ABLIM2: variants seen among roughly 807,000 people sequenced by gnomAD.
ABLIM2 encodes the protein actin-binding LIM protein 2.
Under a neutral mutation model 97.7 loss-of-function variants are expected in ABLIM2, and 53 were observed. That is an observed-to-expected ratio of 0.54 (90% CI 0.44 to 0.68). The LOEUF (loss-of-function observed/expected upper bound fraction) is 0.68. Ranked by LOEUF, ABLIM2 falls within the 30% of genes least tolerant of loss-of-function variation. The pLI, the probability that ABLIM2 is intolerant of heterozygous loss-of-function variation, is 0.00. For missense variants in ABLIM2, 835 were observed against 867.2 expected, an observed-to-expected ratio of 0.96 and a Z score of 0.47; for synonymous variants, 361 against 345.8, an observed-to-expected ratio of 1.04 and a Z score of -0.49.
intron 1 of ABLIM2, among the ~76,000 whole-genome samples, chr4:8,139,256 TGGAAGGGAAGGGAA>T (rs1850613034): frequency 1.7e-5 from 2 of 120,656 alleles, no homozygotes; most frequent in East Asian, 4.6e-4. Flanking sequence ...GGGAGGGGAA[TGGAAGGGAAGGGAA>T]GGGAAGGGAG....
Position 8,061,057 on chromosome 4 carries a change from G to A in ABLIM2, c.676-3C>T. 1 of 1,581,050 alleles carries A rather than the reference G, an allele frequency of 6.3e-7. No individual in the cohort carries two copies. The highest frequency in any genetic ancestry group is 8.6e-7 in the Non-Finnish European group (1 of 1,163,118). On this transcript the variant is annotated splice_polypyrimidine_tract_variant and splice_region_variant and intron_variant, in intron 6 of 20. Transcript: ENST00000447017. The surrounding 1 kb of genome is among the most constrained non-coding windows in gnomAD (Gnocchi z 4.5). ...GGGTGGTAGTGCTTCTCTCCGGCCT[G>A]TAAGAAAAGCACAAAGCAGAATGTT...
intron 1 of ABLIM2, among the ~76,000 whole-genome samples, chr4:8,154,266 ATTTTC>A (rs1187078497): frequency 1.2e-4 from 15 of 126,516 alleles, no homozygotes; most frequent in African/African-American, 3.3e-4. Context: ...CCAGCCACTT[ATTTTC>A]TTTTCTTTTC....
At position 8,003,049 on chromosome 4, in the gene ABLIM2, T is replaced by C. The variant is rs1758319545; in HGVS notation, c.1618+5010A>G. Among the ~76,000 whole-genome samples, 1 of 152,208 alleles carries C rather than the reference T, an allele frequency of 6.6e-6. No individual in the cohort carries two copies. Among genetic ancestry groups the C allele is most frequent in the South Asian group, 2.1e-4 (1 of 4,832 alleles). ...TGTCGGCTCCCCAGACAGGGAACTT[T>C]GTCTGTTTTGGCCTCTGCTCTGTCC... On this transcript the variant is annotated intron_variant, in intron 16 of 20. Coordinates refer to ENST00000447017, the MANE Select transcript of ABLIM2 (RefSeq NM_001130083.2). The surrounding 1 kb of genome is among the most constrained non-coding windows in gnomAD (Gnocchi z 4.2).
chr4:8,134,700 A>G (rs1230500974), intron 1 of ABLIM2, among the ~76,000 whole-genome samples: 1 of 152,236 alleles, frequency 6.6e-6, no homozygotes, highest in East Asian at 1.9e-4. Context: ...TGGTCTGGCA[A>G]ATATTTAAAA....
At position 8,005,534 on chromosome 4, in the gene ABLIM2, G is replaced by A. The variant is rs80245890; in HGVS notation, c.1618+2525C>T. 13,406 of 500,368 alleles carry A rather than the reference G, an allele frequency of 0.027. 229 individuals carry two copies. Among genetic ancestry groups the A allele is most frequent in the Non-Finnish European group, 0.04 (9,880 of 243,974 alleles). The allele number at this position is 500,368 out of a possible 1,614,324, so 31.0% of individuals were successfully genotyped here. ...GACTCAGGTCTGGGGGCTACTTGGT[G>A]ACAATCAAAAGAACCCCGAGAGAAA... On this transcript the variant is annotated intron_variant, in intron 16 of 20. Transcript: ENST00000447017. The surrounding 1 kb of genome is among the most constrained non-coding windows in gnomAD (Gnocchi z 4.9).
chr4:8,041,726 C>T (rs1401414999), intron 9 of ABLIM2, among the ~76,000 whole-genome samples: 2 of 151,956 alleles, frequency 1.3e-5, no homozygotes, highest in Admixed American at 1.3e-4. Context: ...CACGGTGAAA[C>T]CCCGTCTCTA....
At chr4:8,031,834 C>T (rs1184313319) in intron 10 of ABLIM2, among the ~76,000 whole-genome samples, 2 of 151,832 alleles carry the variant, frequency 1.3e-5, no homozygotes, top group Non-Finnish European at 2.9e-5. Flanking sequence ...AAGCGATTCT[C>T]CTGCCTCAGC....
At chr4:8,090,612 T>G (rs1363666680) in intron 3 of ABLIM2, among the ~76,000 whole-genome samples, 2 of 152,200 alleles carry the variant, frequency 1.3e-5, no homozygotes, top group Non-Finnish European at 2.9e-5. Context: ...ACAATCATGC[T>G]GCTCACGACC....
At position 8,125,418 on chromosome 4, in the gene ABLIM2, G is replaced by A. The variant is rs528327740; in HGVS notation, c.11-18781C>T. ...ATCTATGTGACTGCTAGTTTTAATT[G>A]TGGATACCCTTGCTTCGCATGTGAA... On this transcript the variant is annotated intron_variant, in intron 1 of 20. Coordinates refer to ENST00000447017, the MANE Select transcript of ABLIM2 (RefSeq NM_001130083.2). The surrounding 1 kb of genome is among the most constrained non-coding windows in gnomAD (Gnocchi z 6.2). Among the ~76,000 whole-genome samples, 1 of 152,314 alleles carries A rather than the reference G, an allele frequency of 6.6e-6. No individual in the cohort carries two copies. The highest frequency in any genetic ancestry group is 2.1e-4 in the South Asian group (1 of 4,828).
Position 8,113,595 on chromosome 4 carries a change from C to A in ABLIM2, c.11-6958G>T, listed in dbSNP as rs1352680060. On this transcript the variant is annotated intron_variant, in intron 1 of 20. Coordinates refer to ENST00000447017, the MANE Select transcript of ABLIM2 (RefSeq NM_001130083.2). The surrounding 1 kb of genome is among the most constrained non-coding windows in gnomAD (Gnocchi z 4.5). ...ATCCACCTTGAGAATGGGCAGGGGACCCCCTTGTGTACTCACACAGGGGAA... is the reference window on the plus strand; with the variant it reads ...ATCCACCTTGAGAATGGGCAGGGGAACCCCTTGTGTACTCACACAGGGGAA... Among the ~76,000 whole-genome samples the A allele has an allele frequency of 6.6e-6, 1 of 152,156 alleles. No individual in the cohort carries two copies. The highest frequency in any genetic ancestry group is 1.5e-5 in the Non-Finnish European group (1 of 68,038).
At chr4:7,975,525 A>G (rs1732290772) in intron 20 of ABLIM2, among the ~76,000 whole-genome samples, 1 of 152,180 alleles carries the variant, frequency 6.6e-6, no homozygotes, top group Non-Finnish European at 1.5e-5. Context: ...CCCCTTGGCC[A>G]TGCCCCATCA....
At chr4:8,099,868 A>G (rs1035403427) in intron 2 of ABLIM2, among the ~76,000 whole-genome samples, 1 of 152,078 alleles carries the variant, frequency 6.6e-6, no homozygotes, top group African/African-American at 2.4e-5. Context: ...AAACAGCAAC[A>G]ACAAAAACCC....
intron 1 of ABLIM2, among the ~76,000 whole-genome samples, chr4:8,126,517 C>T (rs551552911): frequency 6.6e-6 from 1 of 151,964 alleles, no homozygotes; most frequent in Non-Finnish European, 1.5e-5. Flanking sequence ...TCACCTTCAC[C>T]CCACAGGCCG....
chr4:8,035,643 A>G lies in ABLIM2; in HGVS notation c.1047+506T>C, dbSNP rs774691292. Among the ~76,000 whole-genome samples the G allele has an allele frequency of 1.5e-3, 232 of 152,366 alleles. 5 individuals carry two copies. The highest frequency in any genetic ancestry group is 1.6e-3 in the Non-Finnish European group (112 of 68,038). ...TCTGAATAAGAAACCTCTGAGGAGT[A>G]GGAACGCCGTCCACAGGCAGGCCAG... On this transcript the variant is annotated intron_variant, in intron 10 of 20. Coordinates refer to ENST00000447017, the MANE Select transcript of ABLIM2 (RefSeq NM_001130083.2).
intron 20 of ABLIM2, among the ~76,000 whole-genome samples, chr4:7,980,922 A>G (rs1397306214): frequency 8.4e-6 from 1 of 118,486 alleles, no homozygotes; most frequent in Non-Finnish European, 1.7e-5. Flanking sequence ...AATAAGAACC[A>G]TGGTCTCCAC....
chr4:8,157,539 G>T (rs1006257106), intron 1 of ABLIM2, among the ~76,000 whole-genome samples: 1 of 152,228 alleles, frequency 6.6e-6, no homozygotes, highest in Non-Finnish European at 1.5e-5. Flanking sequence ...GATTGGAGGG[G>T]GAGGGAGACA....
rs1483109520 is a variant in ABLIM2 at position 8,015,283 on chromosome 4, G to C, written c.1423+4335C>G. On this transcript the variant is annotated intron_variant, in intron 14 of 20. Coordinates refer to ENST00000447017, the MANE Select transcript of ABLIM2 (RefSeq NM_001130083.2). This position sits in a 1 kb window ranked among gnomAD's most constrained non-coding sequence, Gnocchi z 4.6. Reference sequence around the variant, plus strand: ...CTGCACTGCAGAAGGAGAGGTTAGCGTGTCTTTTGTATCACACAGACAGTT... The same window carrying C: ...CTGCACTGCAGAAGGAGAGGTTAGCCTGTCTTTTGTATCACACAGACAGTT... Among the ~76,000 whole-genome samples the C allele has an allele frequency of 6.6e-6, 1 of 152,034 alleles. No individual in the cohort carries two copies. Among genetic ancestry groups the C allele is most frequent in the Non-Finnish European group, 1.5e-5 (1 of 68,000 alleles).
At chr4:8,111,926 CA>C (rs59261859) in intron 1 of ABLIM2, among the ~76,000 whole-genome samples, 4,285 of 121,196 alleles carry the variant, frequency 0.035, 188 homozygotes, top group African/African-American at 0.13. Flanking sequence ...GACTCTGTCT[CA>C]AAAAAAAAAA....
rs77038590 is a variant in ABLIM2 at position 8,147,233 on chromosome 4, C to T, written c.10+11447G>A. Among the ~76,000 whole-genome samples the T allele has an allele frequency of 0.012, 1,900 of 152,240 alleles. 86 individuals carry two copies. The highest frequency in any genetic ancestry group is 0.099 in the Admixed American group (1,509 of 15,274). On this transcript the variant is annotated intron_variant, in intron 1 of 20. Coordinates refer to ENST00000447017, the MANE Select transcript of ABLIM2 (RefSeq NM_001130083.2). This position sits in a 1 kb window ranked among gnomAD's most constrained non-coding sequence, Gnocchi z 5.3. ...CTGTGACAGGATCTAACTCCCGGGA[C>T]GTTTAAATTTAGCGAGTAACATTTT...
Sources: allele counts gnomAD v4.1 joint callset (sites outside exome capture counted in the v4.1 genomes callset), GRCh38; gene constraint gnomAD v4.1.1; non-coding constraint Gnocchi (gnomAD v3.1); transcripts MANE v1.5; gene names NCBI Gene and HGNC (gene_info 2026-07-23, HGNC 2026-07-21).